PALM2AKAP2: variants seen among roughly 807,000 people sequenced by gnomAD.
PALM2AKAP2 encodes PALM2 and AKAP2 fusion.
PALM2AKAP2 carries 37 observed loss-of-function variants against 71.5 expected under a neutral mutation model. That is an observed-to-expected ratio of 0.52 (90% confidence interval 0.40 to 0.68). The LOEUF (loss-of-function observed/expected upper bound fraction) is 0.68. PALM2AKAP2 is among the 30% of genes least tolerant of loss of function. The probability of loss-of-function intolerance (pLI) is 0.00; values close to 1 mark genes in which losing one functional copy is unlikely to be tolerated. For synonymous variants in PALM2AKAP2, 468 were observed against 478.8 expected, an observed-to-expected ratio of 0.98 and a Z score of 0.29; for missense variants, 1,224 against 1,191.8, an observed-to-expected ratio of 1.03 and a Z score of -0.40.
chr9:109,825,439 G>A (rs951044272), intron 1 of PALM2AKAP2, among the ~76,000 whole-genome samples: 1 of 152,142 alleles, frequency 6.6e-6, no homozygotes, highest in African/African-American at 2.4e-5. Context: ...TTACAGAATG[G>A]GAGAAAATTT....
rs112894624 is a variant in PALM2AKAP2, at chr9:109,968,709, G to T, written c.496+36681G>T. ...TGTGAAATCAATGCACAGGAATTGT[G>T]GGGGGAAGCCCTAAGGAGTCCAGCC... On this transcript the variant is annotated intron_variant, in intron 6 of 9. Coordinates refer to the PALM2AKAP2 transcript ENST00000302798. 1.3e-3 allele frequency among the ~76,000 whole-genome samples: 196 copies of T among 152,274 alleles called. 1 individual carries two copies. The highest frequency in any genetic ancestry group is 1.9e-3 in the Admixed American group (29 of 15,296).
At position 109,880,701 on chromosome 9, in the gene PALM2AKAP2, G is replaced by C. The variant is rs753063513; in HGVS notation, c.257+20G>C. The C allele has an allele frequency of 6.2e-7, 1 of 1,612,158 alleles. No homozygotes were observed. Among genetic ancestry groups the C allele is most frequent in the East Asian group, 2.2e-5 (1 of 44,752 alleles). ...TCAGAGGTAGGTGGCTTCCAGCCCA[G>C]GGAACCCATGCTACAGTTTTTCAGT... On this transcript the variant is annotated intron_variant, in intron 3 of 9. Coordinates refer to the PALM2AKAP2 transcript ENST00000302798.
chr9:110,051,970 T>C (rs1008467315), intron 1 of PALM2AKAP2, among the ~76,000 whole-genome samples: 11 of 151,830 alleles, frequency 7.2e-5, no homozygotes, highest in Non-Finnish European at 1.6e-4. Context: ...TGGCGCGATC[T>C]CGGCTCACTG....
intron 2 of PALM2AKAP2, among the ~76,000 whole-genome samples, chr9:110,153,319 T>C (rs1281055437): frequency 6.6e-6 from 1 of 152,198 alleles, no homozygotes; most frequent in African/African-American, 2.4e-5. Flanking sequence ...TAACTTGGGC[T>C]GGAGTTGGCA....
At chr9:109,692,065 AT>A (rs1564115125) in intron 1 of PALM2AKAP2, among the ~76,000 whole-genome samples, 1 of 149,260 alleles carries the variant, frequency 6.7e-6, no homozygotes, top group Non-Finnish European at 1.5e-5. Flanking sequence ...AAGTATTTAA[AT>A]TTTTTTAAAT....
intron 1 of PALM2AKAP2, among the ~76,000 whole-genome samples, chr9:110,050,063 G>A (rs554580173): frequency 6.6e-6 from 1 of 152,378 alleles, no homozygotes; most frequent in African/African-American, 2.4e-5. Flanking sequence ...ATCAGACTTT[G>A]ACATATCACT....
intron 1 of PALM2AKAP2, among the ~76,000 whole-genome samples, chr9:109,669,756 A>C (rs1827547770): frequency 6.6e-6 from 1 of 152,006 alleles, no homozygotes; most frequent in Non-Finnish European, 1.5e-5. Flanking sequence ...ATGTCCTCTT[A>C]ATCTTTTTAA....
upstream of PALM2AKAP2, among the ~76,000 whole-genome samples, chr9:110,046,651 A>G (rs1197270479): frequency 6.6e-6 from 1 of 152,044 alleles, no homozygotes; most frequent in Non-Finnish European, 1.5e-5. Context: ...TATTTTTAGT[A>G]GAGACGAGGT....
At chr9:109,716,181 A>C (rs1828316700) in intron 1 of PALM2AKAP2, among the ~76,000 whole-genome samples, 1 of 152,228 alleles carries the variant, frequency 6.6e-6, no homozygotes, top group Non-Finnish European at 1.5e-5. Flanking sequence ...CTGGGGTTTT[A>C]TGTGGTAACT....
intron 1 of PALM2AKAP2, among the ~76,000 whole-genome samples, chr9:109,694,387 T>C (rs1161583149): frequency 6.6e-6 from 1 of 152,050 alleles, no homozygotes; most frequent in Non-Finnish European, 1.5e-5. Flanking sequence ...CCCACTTCAT[T>C]TGTCAAAATT....
chr9:110,067,915 T>TTCCCCCAGGCTCAAGCGATCCTCCC (rs1564287708), intron 1 of PALM2AKAP2, among the ~76,000 whole-genome samples: 2 of 151,208 alleles, frequency 1.3e-5, no homozygotes, highest in Admixed American at 6.6e-5. Context: ...ACTTGGAGGT[T>TTCCCCCAGGCTCAAGCGATCCTCCC]AATTTTGTCT....
intron 1 of PALM2AKAP2, among the ~76,000 whole-genome samples, chr9:109,667,039 C>T (rs10979990): frequency 0.37 from 55,561 of 152,038 alleles, 10,438 homozygotes; most frequent in Middle Eastern, 0.51. Flanking sequence ...AAGGCAACTG[C>T]AGGCATCTAA....
intron 1 of PALM2AKAP2, among the ~76,000 whole-genome samples, chr9:109,816,886 C>T (rs1442030681): frequency 6.6e-6 from 1 of 152,168 alleles, no homozygotes; most frequent in African/African-American, 2.4e-5. Context: ...TGCCATCTGG[C>T]TTAAGAGCCC....
At chr9:110,028,935 T>G (rs1833229697) in intron 7 of PALM2AKAP2, among the ~76,000 whole-genome samples, 1 of 148,656 alleles carries the variant, frequency 6.7e-6, no homozygotes, top group Admixed American at 6.7e-5. Context: ...TTTGTGGTTT[T>G]GGGTTCTTTT....
intron 1 of PALM2AKAP2, among the ~76,000 whole-genome samples, chr9:110,124,453 TCTGA>T (rs1186435831): frequency 3.3e-5 from 5 of 152,246 alleles, no homozygotes; most frequent in African/African-American, 4.8e-5. Context: ...GACCTGGAAT[TCTGA>T]CTGACTTTCT....
At chr9:109,896,529 G>A (rs965825050) in intron 3 of PALM2AKAP2, among the ~76,000 whole-genome samples, 11 of 152,162 alleles carry the variant, frequency 7.2e-5, no homozygotes, top group African/African-American at 2.7e-4. Context: ...ACATTATTCA[G>A]GCCAGGCATA....
At chr9:109,997,132 G>A (rs2132259520) in intron 6 of PALM2AKAP2, among the ~76,000 whole-genome samples, 1 of 152,308 alleles carries the variant, frequency 6.6e-6, no homozygotes, top group African/African-American at 2.4e-5. Flanking sequence ...GAGGCTGCAA[G>A]TGAGTCATGA....
chr9:110,084,786 A>G (rs1834526470), intron 1 of PALM2AKAP2, among the ~76,000 whole-genome samples: 1 of 151,516 alleles, frequency 6.6e-6, no homozygotes, highest in African/African-American at 2.4e-5. Context: ...CCCAGGCTGG[A>G]GTACAGTGGC....
intron 3 of PALM2AKAP2, among the ~76,000 whole-genome samples, chr9:109,921,484 A>G (rs150442000): frequency 6.6e-6 from 1 of 152,344 alleles, no homozygotes; most frequent in East Asian, 1.9e-4. Flanking sequence ...CCTGAGGGAC[A>G]AGATCACCTC....
Sources: allele counts gnomAD v4.1 joint callset (sites outside exome capture counted in the v4.1 genomes callset), GRCh38; gene constraint gnomAD v4.1.1; transcripts MANE v1.5; gene names NCBI Gene and HGNC (gene_info 2026-07-23, HGNC 2026-07-21).